Variants in GAD2 observed in about 807,000 individuals in gnomAD.
GAD2 encodes the protein glutamate decarboxylase 2, also known as 65 kDa glutamic acid decarboxylase.
In GAD2, 22 loss-of-function variants were observed where a neutral mutation model predicts 80.1. The ratio of observed to expected loss-of-function variants is 0.27; its 90% CI spans 0.20 to 0.39. GAD2 has a LOEUF of 0.39. GAD2 is among the 10% of genes least tolerant of loss of function. GAD2 has a pLI of 1.00. For synonymous variants in GAD2, 274 were observed against 256.9 expected, an observed-to-expected ratio of 1.07 and a Z score of -0.64; for missense variants, 624 against 738.4, an observed-to-expected ratio of 0.85 and a Z score of 1.80.
At chr10:26,270,428 C>T (rs550818786) in intron 9 of GAD2, among the ~76,000 whole-genome samples, 2 of 152,312 alleles carry the variant, frequency 1.3e-5, no homozygotes, top group East Asian at 3.9e-4. Context: ...TCTTTTAAGA[C>T]ACAGTCAGGT....
intron 11 of GAD2, among the ~76,000 whole-genome samples, chr10:26,279,995 A>T (rs1382936031): frequency 6.6e-6 from 1 of 152,244 alleles, no homozygotes; most frequent in South Asian, 2.1e-4. Flanking sequence ...GAGCTCCAGG[A>T]CACTGCAATA....
chr10:26,259,330 G>C (rs1330588107), intron 8 of GAD2, among the ~76,000 whole-genome samples: 2 of 152,152 alleles, frequency 1.3e-5, no homozygotes, highest in Admixed American at 6.5e-5. Flanking sequence ...AGTACACAGG[G>C]TTCCAATTTC....
intron 8 of GAD2, among the ~76,000 whole-genome samples, chr10:26,254,284 G>A (rs1172641217): frequency 3.9e-5 from 6 of 152,132 alleles, no homozygotes; most frequent in Admixed American, 6.5e-5. Flanking sequence ...TGATCTGCCC[G>A]CCTCGACCTC....
chr10:26,261,944 A>G (rs1422294859), intron 8 of GAD2, among the ~76,000 whole-genome samples: 1 of 152,192 alleles, frequency 6.6e-6, no homozygotes, highest in African/African-American at 2.4e-5. Context: ...ACACCTTTGC[A>G]TTCTTGCAAC....
intron 6 of GAD2, among the ~76,000 whole-genome samples, chr10:26,228,960 C>T (rs1442143586): frequency 2.0e-5 from 3 of 152,150 alleles, no homozygotes; most frequent in South Asian, 2.1e-4. Context: ...GAGGCCGAGG[C>T]GGGTGGATCA....
At chr10:26,257,662 G>A (rs1844960288) in intron 8 of GAD2, among the ~76,000 whole-genome samples, 1 of 152,124 alleles carries the variant, frequency 6.6e-6, no homozygotes, top group African/African-American at 2.4e-5. Flanking sequence ...TTAGCTACTA[G>A]TACATTTATA....
In GAD2 at chr10:26,219,057, T is replaced by C. The variant is rs1175243832; in HGVS notation, c.301T>C (p.Cys101Arg). ...FLHATDLLPA[C>R]DGERPTLAFL... ...TCATTCTTTAGACCTGCTGCCGGCG[T>C]GTGATGGAGAAAGGCCCACTTTGGC... Residue 101 changes from cysteine (C) to arginine (R), a missense_variant, in exon 4 of 16, where the codon TGT becomes CGT. Physicochemically the swap from Cys to Arg is radical, Grantham distance 180. Transcript: ENST00000376261. 2 of 1,575,844 alleles carry C rather than the reference T, an allele frequency of 1.3e-6. No homozygotes were observed. Among genetic ancestry groups the C allele is most frequent in the African/African-American group, 2.7e-5 (2 of 73,732 alleles).
At chr10:26,300,714 C>A in intron 15 of GAD2, 74 bp from the exon 16 acceptor site, 1 of 1,368,740 alleles carries the variant, frequency 7.3e-7, no homozygotes, top group African/African-American at 1.4e-5. Flanking sequence ...AAAGACGCTG[C>A]TTGCTGTTGG....
At chr10:26,237,414 T>G (rs1354684911) in intron 7 of GAD2, among the ~76,000 whole-genome samples, 3 of 151,966 alleles carry the variant, frequency 2.0e-5, no homozygotes, top group African/African-American at 4.8e-5. Flanking sequence ...CCAGCTCCCG[T>G]AGCTGTGGGG....
At chr10:26,274,328 C>T (rs1020837257) in intron 11 of GAD2, among the ~76,000 whole-genome samples, 18 of 152,200 alleles carry the variant, frequency 1.2e-4, no homozygotes, top group African/African-American at 4.1e-4. Flanking sequence ...AGCTGAAAAA[C>T]ACAAAGGCAG....
chr10:26,219,954 C>T (rs904941086), intron 4 of GAD2, among the ~76,000 whole-genome samples: 1 of 152,104 alleles, frequency 6.6e-6, no homozygotes, highest in Non-Finnish European at 1.5e-5. Context: ...AATCAGATAT[C>T]CTTAGGGGGA....
rs1420058902 is a variant in GAD2 at position 26,301,653 on chromosome 10, T to C, written c.*692T>C. The C allele has an allele frequency of 6.6e-6, 1 of 152,092 alleles. No individual in the cohort carries two copies. Among genetic ancestry groups the C allele is most frequent in the African/African-American group, 2.4e-5 (1 of 41,400 alleles). The allele number at this position is 152,092 out of a possible 1,614,324, so 9.4% of individuals were successfully genotyped here. A position where few individuals can be genotyped will look rare whatever the true frequency, so the allele number is the denominator to read the frequency against. On this transcript the variant is annotated 3_prime_UTR_variant, in exon 16 of 16. Transcript: ENST00000376261. ...ATTGACCCACGAAATTCTTAAAAGG[T>C]ATTATTGCTTCTTTCTATACATGTT... is the stretch of plus-strand genomic sequence containing the variant.
intron 8 of GAD2, among the ~76,000 whole-genome samples, chr10:26,253,881 C>A (rs1219087060): frequency 2.0e-5 from 3 of 152,024 alleles, no homozygotes; most frequent in African/African-American, 4.8e-5. Flanking sequence ...GGTCCCCAAC[C>A]TTTTTGGCAC....
intron 6 of GAD2, 123 bp from the exon 7 acceptor site, chr10:26,229,539 T>C (rs901961941): frequency 3.9e-5 from 26 of 663,316 alleles, no homozygotes; most frequent in Non-Finnish European, 6.0e-5. Flanking sequence ...AGTTTAAAGA[T>C]AGTCAATAGG....
At chr10:26,239,334 C>G (rs1413084483) in intron 7 of GAD2, among the ~76,000 whole-genome samples, 1 of 152,192 alleles carries the variant, frequency 6.6e-6, no homozygotes, top group African/African-American at 2.4e-5. Flanking sequence ...ACAGCTGCCT[C>G]CAGCTTGGGC....
chr10:26,231,972 A>G (rs1302886792), intron 7 of GAD2, among the ~76,000 whole-genome samples: 1 of 152,100 alleles, frequency 6.6e-6, no homozygotes, highest in Non-Finnish European at 1.5e-5. Context: ...ACCTAATCAC[A>G]TCTGCAAAGT....
intron 8 of GAD2, among the ~76,000 whole-genome samples, chr10:26,260,925 T>C (rs1458024245): frequency 6.6e-6 from 1 of 152,196 alleles, no homozygotes; most frequent in Admixed American, 6.5e-5. Flanking sequence ...AGTTGGTGTA[T>C]ATACTTATGG....
chr10:26,220,197 T>C (rs955494016), intron 4 of GAD2, among the ~76,000 whole-genome samples: 2 of 152,156 alleles, frequency 1.3e-5, no homozygotes, highest in African/African-American at 4.8e-5. Context: ...TAAAAATAAG[T>C]ATGAATGAAT....
intron 7 of GAD2, among the ~76,000 whole-genome samples, chr10:26,231,160 A>T (rs185612006): frequency 1.5e-4 from 23 of 152,310 alleles, no homozygotes; most frequent in Admixed American, 9.8e-4. Flanking sequence ...TTTGGAATAC[A>T]GCTGCCTCAG....
Sources: allele counts gnomAD v4.1 joint callset (sites outside exome capture counted in the v4.1 genomes callset), GRCh38; gene constraint gnomAD v4.1.1; transcripts MANE v1.5; gene names NCBI Gene and HGNC (gene_info 2026-07-23, HGNC 2026-07-21).